Variants in PHACTR2 observed in about 807,000 individuals in gnomAD.
PHACTR2 encodes chromosome 6 open reading frame 56.
In PHACTR2, 30 loss-of-function variants were observed where a neutral mutation model predicts 76.0. That is an observed-to-expected ratio of 0.39 (90% confidence interval 0.30 to 0.54). The LOEUF (loss-of-function observed/expected upper bound fraction) is 0.54. PHACTR2 is among the 20% of genes least tolerant of loss of function. The pLI is 0.61. For missense variants in PHACTR2, 696 were observed against 781.1 expected, an observed-to-expected ratio of 0.89 and a Z score of 1.30; for synonymous variants, 292 against 292.5, an observed-to-expected ratio of 1.00 and a Z score of 0.02.
chr6:143,712,546 G>T (rs372256570), intron 2 of PHACTR2, among the ~76,000 whole-genome samples: 3 of 150,172 alleles, frequency 2.0e-5, no homozygotes, highest in Admixed American at 2.0e-4. Flanking sequence ...TATATATTTA[G>T]TTAGACTATA....
chr6:143,609,061 A>C (rs1299096969), intron 1 of PHACTR2, among the ~76,000 whole-genome samples: 1 of 152,184 alleles, frequency 6.6e-6, no homozygotes, highest in Non-Finnish European at 1.5e-5. Context: ...GAATTCTCCC[A>C]GCTGTGTTAT....
intron 1 of PHACTR2, among the ~76,000 whole-genome samples, chr6:143,704,797 C>T (rs560953072): frequency 6.6e-6 from 1 of 152,038 alleles, no homozygotes; most frequent in Non-Finnish European, 1.5e-5. Flanking sequence ...GTTTCTCAGA[C>T]CTTCCTTGTT....
At position 143,546,079 on chromosome 6, in the gene PHACTR2, C is replaced by T. The variant is rs967000696; in HGVS notation, c.217+8872C>T. 6.6e-6 allele frequency among the ~76,000 whole-genome samples: 1 copy of T among 152,042 alleles called. No individual in the cohort carries two copies. Among genetic ancestry groups the T allele is most frequent in the Non-Finnish European group, 1.5e-5 (1 of 68,008 alleles). On this transcript the variant is annotated intron_variant, in intron 1 of 11. Transcript: ENST00000367584. The surrounding 1 kb of genome is among the most constrained non-coding windows in gnomAD (Gnocchi z 4.9). Reference sequence around the variant, plus strand: ...CAAGGTACAAGTGTAGTTTCGGTTACAGTGAAACTCAGGAAAAAACATTGA... The same window carrying T: ...CAAGGTACAAGTGTAGTTTCGGTTATAGTGAAACTCAGGAAAAAACATTGA...
intron 9 of PHACTR2, among the ~76,000 whole-genome samples, chr6:143,778,916 GATCTTA>G: frequency 6.6e-6 from 1 of 152,164 alleles, no homozygotes; most frequent in East Asian, 1.9e-4. Context: ...ACCGCGTGTT[GATCTTA>G]AGTGCTGCAT....
intron 1 of PHACTR2, among the ~76,000 whole-genome samples, chr6:143,686,383 CAT>C (rs1777520816): frequency 6.7e-6 from 1 of 149,560 alleles, no homozygotes; most frequent in African/African-American, 2.5e-5. Flanking sequence ...ATAACATCAA[CAT>C]GTGAAAAGGC....
At chr6:143,766,837 G>A (rs1021263056) in intron 6 of PHACTR2, among the ~76,000 whole-genome samples, 7 of 152,110 alleles carry the variant, frequency 4.6e-5, no homozygotes, top group Non-Finnish European at 7.4e-5. Flanking sequence ...CCTGTCTCAC[G>A]AGTATGAAGG....
intron 5 of PHACTR2, among the ~76,000 whole-genome samples, chr6:143,762,874 G>A (rs1159747055): frequency 6.6e-6 from 1 of 151,926 alleles, no homozygotes; most frequent in Non-Finnish European, 1.5e-5. Flanking sequence ...GAGGAGAGGC[G>A]ACATTTTTTT....
intron 1 of PHACTR2, among the ~76,000 whole-genome samples, chr6:143,559,623 T>C (rs1465568387): frequency 2.0e-5 from 3 of 150,988 alleles, no homozygotes; most frequent in Non-Finnish European, 2.9e-5. Flanking sequence ...GTAACAAATA[T>C]TGTTAAGTAT....
intron 2 of PHACTR2, among the ~76,000 whole-genome samples, chr6:143,734,857 A>G (rs1444665788): frequency 1.3e-5 from 2 of 152,170 alleles, no homozygotes; most frequent in Non-Finnish European, 2.9e-5. Context: ...AAACACTTTT[A>G]AAGGTACTAC....
rs893528348 is a variant in PHACTR2 at position 143,722,091 on chromosome 6, G to A, written c.214+9908G>A. On this transcript the variant is annotated intron_variant, in intron 2 of 12. Transcript: ENST00000440869. The surrounding 1 kb of genome is among the most constrained non-coding windows in gnomAD (Gnocchi z 4.1). ...AGTAAGAATTAAGCATCTTGTAAAT[G>A]TCTAGGGAGCTGGAAGTTCCCATGA... Among the ~76,000 whole-genome samples, 5 of 152,186 alleles carry A rather than the reference G, an allele frequency of 3.3e-5. No homozygotes were observed. The highest frequency in any genetic ancestry group is 5.9e-5 in the Non-Finnish European group (4 of 68,026).
Position 143,712,048 on chromosome 6 carries a change from T to C in PHACTR2, c.79T>C (p.Ser27Pro). ...ACTGGACAAAGCTTCTATAGCAAAC[T>C]CAGATGGCCCCACAGCAGGTTCCCA... ...DGLDKASIANSDGPTAGSQTP... is the reference protein window; with the variant it reads ...DGLDKASIANPDGPTAGSQTP... Residue 27 changes from serine to proline, a missense_variant, in exon 2 of 13, where the codon TCA becomes CCA. Physicochemically the swap from Ser to Pro is moderately conservative, Grantham distance 74 (BLOSUM62 -1). This residue lies in a region of PHACTR2 where 460 missense variants were observed against 450.9 expected (regional missense o/e 1.02). Transcript: ENST00000440869. The C allele has an allele frequency of 6.3e-7, 1 of 1,591,798 alleles. No homozygotes were observed. Among genetic ancestry groups the C allele is most frequent in the Non-Finnish European group, 8.5e-7 (1 of 1,171,772 alleles).
intron 2 of PHACTR2, among the ~76,000 whole-genome samples, chr6:143,746,358 A>G (rs545733722): frequency 6.6e-6 from 1 of 152,314 alleles, no homozygotes; most frequent in South Asian, 2.1e-4. Flanking sequence ...GAAGCAGCAA[A>G]CCAGTAAAAG....
chr6:143,551,811 G>A lies in PHACTR2; in HGVS notation c.217+14604G>A, dbSNP rs144777895. On this transcript the variant is annotated intron_variant, in intron 1 of 11. Transcript: ENST00000367584. ...TAATACCCATTGAAAATGCCCTGTA[G>A]AAGAGAGAAATGTAATAATGGGGGG... Among the ~76,000 whole-genome samples the A allele has an allele frequency of 2.1e-3, 324 of 152,290 alleles. 1 individual carries two copies. Among genetic ancestry groups the A allele is most frequent in the African/African-American group, 7.3e-3 (305 of 41,558 alleles).
At chr6:143,650,869 A>T (rs1776751962) in intron 1 of PHACTR2, among the ~76,000 whole-genome samples, 2 of 152,220 alleles carry the variant, frequency 1.3e-5, no homozygotes, top group Admixed American at 6.5e-5. Flanking sequence ...GAACAACAAA[A>T]AAAACTGTCA....
Position 143,608,608 on chromosome 6 carries a change from C to T in PHACTR2, c.13+286C>T, listed in dbSNP as rs537691556. On this transcript the variant is annotated intron_variant, in intron 1 of 11. Transcript: ENST00000305766. This position sits in a 1 kb window ranked among gnomAD's most constrained non-coding sequence, Gnocchi z 4.6. ...GTGTTTGATTCTTTTGTGCTCAGAG[C>T]GATGGGTGGAAAATGCATACAGTTA... 3.7e-4 allele frequency among the ~76,000 whole-genome samples: 57 copies of T among 152,034 alleles called. No individual in the cohort carries two copies. Among genetic ancestry groups the T allele is most frequent in the Non-Finnish European group, 8.1e-4 (55 of 68,028 alleles).
rs1287292189 is a variant in PHACTR2, at chr6:143,688,374, A to G, written c.46+10165A>G. ...GGTAGAGAAATGGGAGTAGGGTCTCACCCAACTCTCAACTCCCAGAGTTAC... is the reference window on the plus strand; with the variant it reads ...GGTAGAGAAATGGGAGTAGGGTCTCGCCCAACTCTCAACTCCCAGAGTTAC... On this transcript the variant is annotated intron_variant, in intron 1 of 12. Coordinates refer to ENST00000440869, the MANE Select transcript of PHACTR2 (RefSeq NM_001100164.2). This position sits in a 1 kb window ranked among gnomAD's most constrained non-coding sequence, Gnocchi z 5.2. Among the ~76,000 whole-genome samples the G allele has an allele frequency of 6.6e-6, 1 of 152,044 alleles. No individual in the cohort carries two copies. Among genetic ancestry groups the G allele is most frequent in the Non-Finnish European group, 1.5e-5 (1 of 67,998 alleles).
Position 143,738,303 on chromosome 6 carries a change from T to C in PHACTR2, c.215-10682T>C, listed in dbSNP as rs986847155. 2.0e-5 allele frequency among the ~76,000 whole-genome samples: 3 copies of C among 151,970 alleles called. No individual in the cohort carries two copies. Among genetic ancestry groups the C allele is most frequent in the Admixed American group, 6.6e-5 (1 of 15,264 alleles). ...AGGCAGAGGTTGCAGTGAGCCGAGA[T>C]TGTGACACTGCACTCCAGCCTGGGC... On this transcript the variant is annotated intron_variant, in intron 2 of 12. Transcript: ENST00000440869. The surrounding 1 kb of genome is among the most constrained non-coding windows in gnomAD (Gnocchi z 4.0).
chr6:143,682,933 A>G (rs567056306), intron 1 of PHACTR2, among the ~76,000 whole-genome samples: 38 of 152,222 alleles, frequency 2.5e-4, no homozygotes, highest in Non-Finnish European at 4.0e-4. Flanking sequence ...TCCTGCCTCT[A>G]TTGAGGTGAT....
intron 9 of PHACTR2, among the ~76,000 whole-genome samples, chr6:143,779,497 G>A (rs189937800): frequency 6.6e-5 from 10 of 151,938 alleles, no homozygotes; most frequent in East Asian, 1.9e-4. Context: ...CTACAGGTGC[G>A]CATCACCATG....
Sources: allele counts gnomAD v4.1 joint callset (sites outside exome capture counted in the v4.1 genomes callset), GRCh38; gene constraint gnomAD v4.1.1; regional missense constraint gnomAD v4.1.1; non-coding constraint Gnocchi (gnomAD v3.1); transcripts MANE v1.5; gene names NCBI Gene and HGNC (gene_info 2026-07-23, HGNC 2026-07-21).